Variants in NXF1 observed in about 807,000 individuals in gnomAD.
NXF1 encodes the protein nuclear RNA export factor 1, also known as mRNA export factor TAP.
A neutral mutation model predicts 92.4 loss-of-function variants in NXF1; 43 were observed. The ratio of observed to expected loss-of-function variants is 0.47; its 90% confidence interval spans 0.36 to 0.60. NXF1 has a LOEUF of 0.60. NXF1 is among the 20% of genes least tolerant of loss of function. The pLI is 0.00. For synonymous variants in NXF1, 288 were observed against 292.2 expected, an observed-to-expected ratio of 0.99 and a Z score of 0.15; for missense variants, 576 against 793.0, an observed-to-expected ratio of 0.73 and a Z score of 3.29.
At chr11:62,798,902 C>T (rs555123272) in intron 10 of NXF1, 245 of 1,127,970 alleles carry the variant, frequency 2.2e-4, no homozygotes, top group Non-Finnish European at 2.6e-4. Flanking sequence ...TGTGCAGCCC[C>T]GGGAGGAGGG....
intron 10 of NXF1, chr11:62,800,153 G>A: frequency 4.3e-6 from 6 of 1,393,698 alleles, no homozygotes; most frequent in Non-Finnish European, 5.6e-6. Context: ...AAAGGCCACA[G>A]ACCCAGCAAA....
intron 11 of NXF1, 70 bp downstream of exon 11, chr11:62,798,469 G>C (rs927444191): frequency 6.5e-7 from 1 of 1,541,126 alleles, no homozygotes; most frequent in Non-Finnish European, 8.7e-7. Flanking sequence ...AAAAGAAAAA[G>C]AAACCTATCC....
chr11:62,800,502 G>A lies in NXF1; in HGVS notation c.907-16C>T, dbSNP rs2084467375. On this transcript the variant is annotated splice_polypyrimidine_tract_variant and intron_variant, in intron 9 of 20. Transcript: ENST00000294172. ...CAGACTTCAACTGCAAAGGGTGGAA[G>A]GAACAAAGGGAGGAGACCCTGGTGA... The A allele has an allele frequency of 2.5e-6, 4 of 1,593,002 alleles. No homozygotes were observed. In the South Asian group the frequency reaches 4.5e-5, roughly 18 times the overall value.
At position 62,797,302 on chromosome 11, in the gene NXF1, T is replaced by C. The variant is rs1234782500; in HGVS notation, c.1122+16A>G. Reference sequence around the variant, plus strand: ...TCTCTCCACACACAAGTTCTTACTCTGTCCATGCTTCCTACCTTGCAGGGC... The same window carrying C: ...TCTCTCCACACACAAGTTCTTACTCCGTCCATGCTTCCTACCTTGCAGGGC... On this transcript the variant is annotated intron_variant, in intron 12 of 20. Coordinates refer to ENST00000294172, the MANE Select transcript of NXF1 (RefSeq NM_006362.5). 1.2e-5 allele frequency: 19 copies of C among 1,614,048 alleles called. No individual in the cohort carries two copies. Among genetic ancestry groups the C allele is most frequent in the Non-Finnish European group, 1.4e-5 (17 of 1,180,002 alleles).
chr11:62,799,899 G>T, intron 10 of NXF1: 1 of 987,276 alleles, frequency 1.0e-6, no homozygotes, highest in Non-Finnish European at 1.2e-6. Context: ...CTGAGAAAAG[G>T]GTCCCTCTTG....
Position 62,801,603 on chromosome 11 carries a change from G to A in NXF1, c.668C>T (p.Ser223Phe). ...KLIMSKRYDG[S>F]QQALDLKGLR... Reference sequence around the variant, plus strand: ...GCCTTTGAGGTCAAGGGCTTGTTGGGAGCCATCGTATCGTTTGCTCATGAT... The same window carrying A: ...GCCTTTGAGGTCAAGGGCTTGTTGGAAGCCATCGTATCGTTTGCTCATGAT... Residue 223 changes from serine (S) to phenylalanine (F), a missense_variant, in exon 7 of 21, where the codon TCC becomes TTC. Physicochemically the swap from Ser to Phe is radical, Grantham distance 155. Coordinates refer to ENST00000294172, the MANE Select transcript of NXF1 (RefSeq NM_006362.5). 6.2e-7 allele frequency: 1 copy of A among 1,614,148 alleles called. No homozygotes were observed. The highest frequency in any genetic ancestry group is 8.5e-7 in the Non-Finnish European group (1 of 1,180,034).
chr11:62,795,987 C>T (rs2084416271), intron 16 of NXF1, 44 bp from the exon 17 acceptor site: 1 of 1,612,584 alleles, frequency 6.2e-7, no homozygotes, highest in African/African-American at 1.3e-5. Flanking sequence ...CTTCTCAGAG[C>T]CTGAGTGCCC....
intron 14 of NXF1, 26 bp from the exon 15 acceptor site, chr11:62,796,371 G>A (rs2084420463): frequency 1.2e-6 from 2 of 1,613,924 alleles, no homozygotes; most frequent in Non-Finnish European, 1.7e-6. Context: ...GAATGGACGT[G>A]GTGTTCAGAG....
In NXF1 at chr11:62,800,291, C is replaced by T. The variant is rs150474222; in HGVS notation, c.1016+86G>A. 14,641 of 1,593,684 alleles carry T rather than the reference C, an allele frequency of 9.2e-3. 86 individuals carry two copies. The highest frequency in any genetic ancestry group is 0.011 in the Non-Finnish European group (12,668 of 1,169,250). On this transcript the variant is annotated intron_variant, in intron 10 of 20. Coordinates refer to ENST00000294172, the MANE Select transcript of NXF1 (RefSeq NM_006362.5). Reference sequence around the variant, plus strand: ...GTTCCAGCTCAGGGCTGCACATCTCCGCAGACGGGCCCTGGTCAGGATGCA... The same window carrying T: ...GTTCCAGCTCAGGGCTGCACATCTCTGCAGACGGGCCCTGGTCAGGATGCA...
chr11:62,794,623 T>C, intron 18 of NXF1, 183 bp from the exon 19 acceptor site: 1 of 615,446 alleles, frequency 1.6e-6, no homozygotes, highest in East Asian at 2.8e-5. Flanking sequence ...CTAAACACAC[T>C]AGGGTTCTCC....
Position 62,800,404 on chromosome 11 carries a change from G to T in NXF1, c.989C>A (p.Thr330Asn), listed in dbSNP as rs1012712491. The T allele has an allele frequency of 6.2e-7, 1 of 1,614,046 alleles. No homozygotes were observed. Residue 330 changes from threonine (T) to asparagine (N), a missense_variant, in exon 10 of 21, where the codon ACC (threonine) becomes AAC (asparagine). Physicochemically the swap from Thr to Asn is moderately conservative, Grantham distance 65. Coordinates refer to ENST00000294172, the MANE Select transcript of NXF1 (RefSeq NM_006362.5). ...GATGTAGGTGGACTGGTCTCGGAAG[G>T]TGTCACACAGGGAGTTTCCATCGAG... ...LWLDGNSLCD[T>N]FRDQSTYISA...
chr11:62,800,484 C>T lies in NXF1; in HGVS notation c.909G>A (p.Leu303=). The T allele has an allele frequency of 6.2e-7, 1 of 1,612,138 alleles. No individual in the cohort carries two copies. Among genetic ancestry groups the T allele is most frequent in the Non-Finnish European group, 8.5e-7 (1 of 1,178,608 alleles). Residue 303 remains leucine (L), a splice_region_variant and synonymous_variant, in exon 10 of 21, where the codon TTG becomes TTA. Transcript: ENST00000294172. ...LKILNLSGNE[L]KSERELDKIK... is the part of the protein sequence containing the mutation. Reference sequence around the variant, plus strand: ...TCTTGTCCAATTCCCGCTCAGACTTCAACTGCAAAGGGTGGAAGGAACAAA... The same window carrying T: ...TCTTGTCCAATTCCCGCTCAGACTTTAACTGCAAAGGGTGGAAGGAACAAA...
At chr11:62,803,067 T>C (rs2084496501) in intron 3 of NXF1, among the ~76,000 whole-genome samples, 1 of 152,046 alleles carries the variant, frequency 6.6e-6, no homozygotes, top group Admixed American at 6.6e-5. Flanking sequence ...ATGCCTATAA[T>C]CCCAGCACTT....
chr11:62,797,391 G>A lies in NXF1; in HGVS notation c.1054-5C>T. The A allele has an allele frequency of 6.2e-7, 1 of 1,612,064 alleles. No homozygotes were observed. Among genetic ancestry groups the A allele is most frequent in the Non-Finnish European group, 8.5e-7 (1 of 1,179,648 alleles). ...TGGGGGTAGCTCATGGCCATCCTGT[G>A]GAAAGGAAGTAAAAGTTGACAGTGT... On this transcript the variant is annotated splice_polypyrimidine_tract_variant and splice_region_variant and intron_variant, in intron 11 of 20. Transcript: ENST00000294172.
chr11:62,802,052 A>G lies in NXF1; in HGVS notation c.454-6T>C, dbSNP rs2084485013. On this transcript the variant is annotated splice_region_variant and splice_polypyrimidine_tract_variant and intron_variant, in intron 4 of 20. Transcript: ENST00000294172. The stretch of plus-strand genomic sequence containing the variant: ...CGTGTATTCTCATAGTGAAACTACA[A>G]GAGGAAACAGGAGCATTACACTGGG... 1.2e-6 allele frequency: 2 copies of G among 1,613,806 alleles called. No homozygotes were observed. The highest frequency in any genetic ancestry group is 3.3e-5 in the Admixed American group (2 of 60,032).
chr11:62,797,180 T>TA lies in NXF1; in HGVS notation c.1178+2dup, dbSNP rs757465119. 2 of 1,614,058 alleles carry TA rather than the reference T, an allele frequency of 1.2e-6. No individual in the cohort carries two copies. Among genetic ancestry groups the TA allele is most frequent in the Non-Finnish European group, 8.5e-7 (1 of 1,179,972 alleles). On this transcript the variant is annotated splice_region_variant and intron_variant, in intron 13 of 20. Coordinates refer to ENST00000294172, the MANE Select transcript of NXF1 (RefSeq NM_006362.5). ...TGGGGAGGGGGGACCCTGGGATACT[T>TA]ACTGTTGCAGGAAGTGCAAGACCAG...
At position 62,795,946 on chromosome 11, in the gene NXF1, G is replaced by A. The variant is rs1277140254; in HGVS notation, c.1462-3C>T. ...ACAGAAAAACACAGCAATGTGCTCT[G>A]AAAGAGAAGCAGCATCAGGTACAAT... is the stretch of plus-strand genomic sequence containing the variant. On this transcript the variant is annotated splice_region_variant and splice_polypyrimidine_tract_variant and intron_variant, in intron 16 of 20. Transcript: ENST00000294172. 1.2e-6 allele frequency: 2 copies of A among 1,613,964 alleles called. No homozygotes were observed. Among genetic ancestry groups the A allele is most frequent in the East Asian group, 2.2e-5 (1 of 44,878 alleles).
intron 16 of NXF1, 51 bp from the exon 17 acceptor site, chr11:62,795,994 G>GC (rs761495389): frequency 9.9e-6 from 16 of 1,608,754 alleles, no homozygotes; most frequent in East Asian, 6.7e-5. Context: ...GAGCCTGAGT[G>GC]CCCCCCCTTG....
chr11:62,797,077 A>AC (rs2084428787), intron 13 of NXF1, 106 bp downstream of exon 13: 1 of 1,078,794 alleles, frequency 9.3e-7, no homozygotes, highest in African/African-American at 1.6e-5. Context: ...AAAAAAAAAA[A>AC]AAAAAACAAA....
Sources: gnomAD v4.1 joint callset for allele counts (sites outside exome capture counted in the v4.1 genomes callset) on GRCh38, gnomAD v4.1.1 for gene constraint, MANE v1.5 for transcripts, NCBI Gene and HGNC (gene_info 2026-07-23, HGNC 2026-07-21) for gene names.